The following DHX58 variants were observed in gnomAD, a reference collection of about 807,000 sequenced individuals.
DHX58 encodes DExH-box helicase 58.
Under a neutral mutation model 65.0 loss-of-function variants are expected in DHX58, and 51 were observed. The observed-to-expected ratio is 0.78, with a 90% CI of 0.63 to 0.99. The LOEUF is 0.99. DHX58 is among the 50% of genes least tolerant of loss of function. The pLI, the probability that DHX58 is intolerant of heterozygous loss-of-function variation, is 0.00. For synonymous variants in DHX58, 350 were observed against 365.0 expected, an observed-to-expected ratio of 0.96 and a Z score of 0.47; for missense variants, 773 against 891.8, an observed-to-expected ratio of 0.87 and a Z score of 1.70.
Position 42,111,320 on chromosome 17 carries a change from C to G in DHX58, c.346G>C (p.Glu116Gln), listed in dbSNP as rs2054148725. The G allele has an allele frequency of 2.5e-6, 4 of 1,613,664 alleles. No individual in the cohort carries two copies. The East Asian group carries it at 8.9e-5, about 36-fold the overall frequency. Reference sequence around the variant, plus strand: ...CCAGTGAGCTCCACGTGCTCCTCCTCCTCGGGGCTGGTCAGTGCCATCTGC... The same window carrying G: ...CCAGTGAGCTCCACGTGCTCCTCCTGCTCGGGGCTGGTCAGTGCCATCTGC... Reference protein sequence around the residue: ...LLQMALTSPEEEEHVELTVFS... With the variant: ...LLQMALTSPEQEEHVELTVFS... The change falls in exon 4 of 14, where the codon GAG (glutamate) becomes CAG (glutamine). Residue 116 changes from glutamate to glutamine, a missense_variant. Glu to Gln is a conservative substitution (Grantham distance 29). Coordinates refer to ENST00000251642, the MANE Select transcript of DHX58 (RefSeq NM_024119.3).
At chr17:42,106,059 G>A (rs1172447746) in intron 8 of DHX58, 70 bp from the exon 9 acceptor site, 8 of 1,523,306 alleles carry the variant, frequency 5.3e-6, no homozygotes, top group Non-Finnish European at 7.1e-6. Flanking sequence ...TTGGGAGGCT[G>A]AGGGCAGAAG....
rs2054013813 is a variant in DHX58 at position 42,103,782 on chromosome 17, T to C, written c.1580A>G (p.Gln527Arg). The C allele has an allele frequency of 6.2e-7, 1 of 1,607,854 alleles. No individual in the cohort carries two copies. The highest frequency in any genetic ancestry group is 1.3e-5 in the African/African-American group (1 of 74,904). The change falls in exon 12 of 14, where the codon CAG becomes CGG. Residue 527 changes from glutamine to arginine, a missense_variant. Gln to Arg is a conservative substitution (Grantham distance 43). Coordinates refer to ENST00000251642, the MANE Select transcript of DHX58 (RefSeq NM_024119.3). ...GGCCGCCCGCTTGGTCAAGGCTGCC[T>C]GCTGCAGATCCCGGATCTGGGGTGG... is the stretch of plus-strand genomic sequence containing the variant. ...EYQAKIRDLQ[Q>R]AALTKRAAQA... is the part of the protein sequence containing the mutation.
chr17:42,104,719 T>C, intron 11 of DHX58, 47 bp downstream of exon 11: 1 of 1,598,730 alleles, frequency 6.3e-7, no homozygotes, highest in Non-Finnish European at 8.5e-7. Flanking sequence ...AGGGAGGGGC[T>C]CCCTCCTCCC....
chr17:42,102,639 C>T (rs1568001240), intron 12 of DHX58: 1 of 215,752 alleles, frequency 4.6e-6, no homozygotes, highest in Non-Finnish European at 9.1e-6. Flanking sequence ...TAAATCTGCC[C>T]TGACATTCTG....
chr17:42,108,012 C>T lies in DHX58; in HGVS notation c.775G>A (p.Glu259Lys), dbSNP rs781845007. 9.3e-6 allele frequency: 15 copies of T among 1,614,142 alleles called. No homozygotes were observed. The highest frequency in any genetic ancestry group is 3.3e-5 in the Admixed American group (2 of 60,012). Residue 259 changes from glutamate to lysine, a missense_variant, in exon 7 of 14, where the codon GAG becomes AAG. Coordinates refer to ENST00000251642, the MANE Select transcript of DHX58 (RefSeq NM_024119.3). ...LSRKFGTQMY[E>K]QQVVKLSEAA... The stretch of plus-strand genomic sequence containing the variant: ...TCACTCAGCTTCACCACCTGCTGCT[C>T]ATACATTTGCGTCCCAAATTTCCGG...
chr17:42,111,596 A>G, intron 3 of DHX58, 99 bp from the exon 4 acceptor site: 1 of 1,576,872 alleles, frequency 6.3e-7, no homozygotes, highest in South Asian at 1.2e-5. Flanking sequence ...GTACTGAGCC[A>G]GGGTGGAAAG....
At chr17:42,102,544 A>T in intron 12 of DHX58, 1 of 508,044 alleles carries the variant, frequency 2.0e-6, no homozygotes, top group Non-Finnish European at 3.5e-6. Context: ...TGGTCTTCAC[A>T]GTCTCCTTAT....
chr17:42,109,502 A>C (rs2054115828), intron 5 of DHX58, 116 bp from the exon 6 acceptor site: 2 of 811,628 alleles, frequency 2.5e-6, no homozygotes, highest in South Asian at 1.8e-5. Context: ...TCGTCTACTC[A>C]AATATTGCTC....
chr17:42,111,061 ACTT>A, intron 4 of DHX58, 148 bp from the exon 5 acceptor site: 1 of 1,060,382 alleles, frequency 9.4e-7, no homozygotes, highest in Non-Finnish European at 1.3e-6. Context: ...GGCAGGGAAG[ACTT>A]CTTTCCATTT....
At chr17:42,102,415 T>C (rs574989404) in intron 12 of DHX58, 103 bp from the exon 13 acceptor site, 1 of 1,022,076 alleles carries the variant, frequency 9.8e-7, no homozygotes, top group Admixed American at 1.8e-5. Context: ...TGGGCCTTCC[T>C]GCTGGTTAAG....
intron 12 of DHX58, 161 bp from the exon 13 acceptor site, chr17:42,102,473 CCT>C: frequency 3.2e-6 from 2 of 627,138 alleles, no homozygotes; most frequent in African/African-American, 1.8e-5. Flanking sequence ...GTGAGTTCTA[CCT>C]GTGTGGCCTC....
At position 42,103,794 on chromosome 17, in the gene DHX58, C is replaced by T. The variant is rs2074160; in HGVS notation, c.1568G>A (p.Arg523Gln). The T allele has an allele frequency of 0.039, 62,452 of 1,604,420 alleles. 4,185 individuals carry two copies. The highest frequency in any genetic ancestry group is 0.29 in the African/African-American group (21,569 of 74,904). The stretch of plus-strand genomic sequence containing the variant: ...GGTCAAGGCTGCCTGCTGCAGATCC[C>T]GGATCTGGGGTGGGAGGAGACACCA... Reference protein sequence around the residue: ...MDQAEYQAKIRDLQQAALTKR... With the variant: ...MDQAEYQAKIQDLQQAALTKR... The change falls in exon 12 of 14, where the codon CGG (arginine) becomes CAG (glutamine). Residue 523 changes from arginine to glutamine, a missense_variant. By Grantham distance (43) the Arg-to-Gln change is conservative. Transcript: ENST00000251642.
chr17:42,110,659 G>T, intron 5 of DHX58, 64 bp downstream of exon 5: 1 of 1,513,824 alleles, frequency 6.6e-7, no homozygotes, highest in Non-Finnish European at 8.8e-7. Flanking sequence ...TGGCAGGGCA[G>T]GCAGGGAGGG....
In DHX58 at chr17:42,107,811, G is replaced by T. The variant is rs1555663126; in HGVS notation, c.806-16C>A. The T allele has an allele frequency of 7.7e-6, 12 of 1,558,286 alleles. No homozygotes were observed. Among genetic ancestry groups the T allele is most frequent in the Non-Finnish European group, 1.0e-5 (12 of 1,150,824 alleles). ...GCCAAAGCCGCTGCGGGAAGAGGGCGCAGGGTCTGAGCAGCCCACAGCCCC... is the reference window on the plus strand; with the variant it reads ...GCCAAAGCCGCTGCGGGAAGAGGGCTCAGGGTCTGAGCAGCCCACAGCCCC... On this transcript the variant is annotated splice_polypyrimidine_tract_variant and intron_variant, in intron 7 of 13. Transcript: ENST00000251642.
rs782274761 is a variant in DHX58 at position 42,109,279 on chromosome 17, C to T, written c.669G>A (p.Arg223=). The part of the protein sequence containing the change: ...QPCKQYNLCH[R]RSQDPFGDLL... Reference sequence around the variant, plus strand: ...CCCTGCCCCCGCGTACCTGGCTGCGCCTGTGGCAGAGGTTGTACTGTTTGC... The same window carrying T: ...CCCTGCCCCCGCGTACCTGGCTGCGTCTGTGGCAGAGGTTGTACTGTTTGC... Residue 223 remains arginine (R), a synonymous_variant, in exon 6 of 14, where the codon AGG becomes AGA. Transcript: ENST00000251642. 1.4e-5 allele frequency: 22 copies of T among 1,611,442 alleles called. 1 individual carries two copies. The highest frequency in any genetic ancestry group is 2.2e-5 in the East Asian group (1 of 44,778).
chr17:42,104,708 C>T (rs1555662203), intron 11 of DHX58, 58 bp downstream of exon 11: 2 of 1,592,288 alleles, frequency 1.3e-6, no homozygotes, highest in Admixed American at 3.4e-5. Flanking sequence ...AGAAACCTGC[C>T]AGGGAGGGGC....
At chr17:42,103,832 G>A (rs377193667) in intron 11 of DHX58, 34 bp from the exon 12 acceptor site, 18 of 1,585,258 alleles carry the variant, frequency 1.1e-5, no homozygotes, top group Non-Finnish European at 1.4e-5. Flanking sequence ...CATGGCTGGG[G>A]CCTAAGAGAA....
At chr17:42,109,781 G>T (rs192498459) in intron 5 of DHX58, among the ~76,000 whole-genome samples, 48 of 152,186 alleles carry the variant, frequency 3.2e-4, no homozygotes, top group Admixed American at 3.0e-3. Context: ...TGTAGTCTCA[G>T]CTACTCGGGA....
Position 42,111,775 on chromosome 17 carries a change from G to T in DHX58, c.118C>A (p.Arg40=), listed in dbSNP as rs371874809. Residue 40 remains arginine (R), a synonymous_variant, in exon 3 of 14, where the codon CGG becomes AGG. Coordinates refer to ENST00000251642, the MANE Select transcript of DHX58 (RefSeq NM_024119.3). ...KTRAAAYVAK[R]HLETVDGAKV... ...GCTCCATCCACAGTCTCTAGGTGCC[G>T]CTTGGCCACATAAGCAGCCGCCCGG... 2 of 1,614,006 alleles carry T rather than the reference G, an allele frequency of 1.2e-6. No homozygotes were observed. The highest frequency in any genetic ancestry group is 2.2e-5 in the South Asian group (2 of 91,050).
Sources: gnomAD v4.1 joint callset for allele counts (sites outside exome capture counted in the v4.1 genomes callset) on GRCh38, gnomAD v4.1.1 for gene constraint, MANE v1.5 for transcripts, NCBI Gene and HGNC (gene_info 2026-07-23, HGNC 2026-07-21) for gene names.